Variants in SHANK2 observed in about 807,000 individuals in gnomAD.
SHANK2 encodes SH3 and multiple ankyrin repeat domains 2.
A neutral mutation model predicts 133.7 loss-of-function variants in SHANK2; 43 were observed. That is an observed-to-expected ratio of 0.32 (90% confidence interval 0.25 to 0.41). SHANK2 has a LOEUF of 0.41. Among genes scored for constraint, SHANK2 ranks in the 10% least tolerant of loss-of-function variants. The pLI is 1.00. For synonymous variants in SHANK2, 1,017 were observed against 952.8 expected (o/e 1.07, Z -1.24); for missense variants, 1,994 against 2,235.8 (o/e 0.89, Z 2.18).
intron 14 of SHANK2, among the ~76,000 whole-genome samples, chr11:70,776,211 T>A (rs1413874912): frequency 6.6e-6 from 1 of 152,214 alleles, no homozygotes; most frequent in Non-Finnish European, 1.5e-5. Context: ...ATCAGACTTC[T>A]GGAACACCCA....
In SHANK2 at chr11:70,898,104, A is replaced by G. The variant is rs189759103; in HGVS notation, c.1108-1537T>C. ...CAGCCTCCTGAGTATCTGGAATTAC[A>G]GGCATGTGCCACCATGTCTGGCTAA... On this transcript the variant is annotated intron_variant, in intron 10 of 25. Transcript: ENST00000601538. Among the ~76,000 whole-genome samples the G allele has an allele frequency of 1.2e-3, 181 of 151,906 alleles. 1 individual carries two copies. The highest frequency in any genetic ancestry group is 4.2e-3 in the African/African-American group (172 of 41,428).
chr11:71,171,131 T>C (rs576148731), intron 2 of SHANK2, among the ~76,000 whole-genome samples: 2 of 152,334 alleles, frequency 1.3e-5, no homozygotes, highest in South Asian at 4.1e-4. Flanking sequence ...TTTTCTCTTC[T>C]TCTAGGTGCA....
At chr11:71,139,048 T>C (rs1565473681) in intron 3 of SHANK2, among the ~76,000 whole-genome samples, 1 of 152,094 alleles carries the variant, frequency 6.6e-6, no homozygotes, top group Admixed American at 6.6e-5. Context: ...AGGTTGGCAG[T>C]GCAAATGCTT....
intron 2 of SHANK2, among the ~76,000 whole-genome samples, chr11:71,154,412 C>G (rs74596383): frequency 0.064 from 9,770 of 152,268 alleles, 674 homozygotes; most frequent in African/African-American, 0.17. Context: ...GCCAGCCAGT[C>G]CAGAGTTGGC....
chr11:70,555,422 G>A (rs1156874731), intron 17 of SHANK2, among the ~76,000 whole-genome samples: 1 of 152,232 alleles, frequency 6.6e-6, no homozygotes, highest in Non-Finnish European at 1.5e-5. Context: ...AGTTGTGAAT[G>A]TAAAGGAAAA....
At chr11:70,649,460 C>A (rs2061313951) in intron 17 of SHANK2, among the ~76,000 whole-genome samples, 1 of 152,200 alleles carries the variant, frequency 6.6e-6, no homozygotes, top group Non-Finnish European at 1.5e-5. Context: ...CCAGGGCTGA[C>A]AAACTCCATC....
At chr11:70,489,946 G>T (rs1190062746) in intron 23 of SHANK2, 5 of 376,746 alleles carry the variant, frequency 1.3e-5, no homozygotes, top group Admixed American at 3.7e-5. Flanking sequence ...AGGGCAGGGT[G>T]GGGGAGGGGG....
chr11:70,684,689 C>A (rs1591746946), intron 15 of SHANK2, among the ~76,000 whole-genome samples: 1 of 151,622 alleles, frequency 6.6e-6, no homozygotes, highest in Non-Finnish European at 1.5e-5. Context: ...GCAGGTAAAC[C>A]CTTGGCCCCT....
At chr11:70,741,241 A>G (rs1209938033) in intron 14 of SHANK2, among the ~76,000 whole-genome samples, 1 of 143,700 alleles carries the variant, frequency 7.0e-6, no homozygotes, top group Non-Finnish European at 1.6e-5. Context: ...GCATCCATCC[A>G]TCCATCCATC....
At chr11:70,878,479 A>C (rs1274253965) in intron 11 of SHANK2, among the ~76,000 whole-genome samples, 3 of 152,188 alleles carry the variant, frequency 2.0e-5, no homozygotes, top group Non-Finnish European at 4.4e-5. Flanking sequence ...TGATGCTCAG[A>C]AATCATGGAA....
At chr11:70,749,327 A>C (rs1946709535) in intron 14 of SHANK2, among the ~76,000 whole-genome samples, 1 of 152,248 alleles carries the variant, frequency 6.6e-6, no homozygotes, top group Non-Finnish European at 1.5e-5. Context: ...GGACAGGCAC[A>C]AAGGAGTGGA....
chr11:70,475,343 G>C (rs561677973), intron 25 of SHANK2, among the ~76,000 whole-genome samples: 1 of 152,322 alleles, frequency 6.6e-6, no homozygotes, highest in Admixed American at 6.5e-5. Flanking sequence ...AGGCCATTTG[G>C]TTGGGCCTTG....
At position 70,496,455 on chromosome 11, in the gene SHANK2, C is replaced by A. The variant is rs537287774; in HGVS notation, c.2309-3990G>T. Among the ~76,000 whole-genome samples, 5 of 152,312 alleles carry A rather than the reference C, an allele frequency of 3.3e-5. No homozygotes were observed. In the East Asian group the frequency reaches 7.7e-4, roughly 24 times the overall value. ...CAGGCTGCAGGCTGCGATTTTAGGACCTCAGGGCCTGCGGCAGGCATCTTG... is the reference window on the plus strand; with the variant it reads ...CAGGCTGCAGGCTGCGATTTTAGGAACTCAGGGCCTGCGGCAGGCATCTTG... On this transcript the variant is annotated intron_variant, in intron 21 of 25. Coordinates refer to ENST00000601538, the MANE Select transcript of SHANK2 (RefSeq NM_012309.5).
chr11:71,204,951 G>T (rs902859125), intron 2 of SHANK2, among the ~76,000 whole-genome samples: 1 of 152,108 alleles, frequency 6.6e-6, no homozygotes, highest in Non-Finnish European at 1.5e-5. Flanking sequence ...GGGACAGCTA[G>T]CTCGGGTGAT....
chr11:70,497,076 G>A, intron 21 of SHANK2: 1 of 452,832 alleles, frequency 2.2e-6, no homozygotes. Context: ...GTAGGGTCAG[G>A]GGCTAGCATT....
intron 17 of SHANK2, among the ~76,000 whole-genome samples, chr11:70,653,700 A>C (rs536035696): frequency 6.6e-6 from 1 of 152,348 alleles, no homozygotes; most frequent in East Asian, 1.9e-4. Flanking sequence ...ACCTGAGATG[A>C]ACTGGGCTCT....
intron 6 of SHANK2, among the ~76,000 whole-genome samples, chr11:71,109,470 C>A (rs971210133): frequency 6.6e-6 from 1 of 152,240 alleles, no homozygotes; most frequent in African/African-American, 2.4e-5. Flanking sequence ...CCATCTTTCC[C>A]GACCGATGCC....
rs184761430 is a variant in SHANK2, at chr11:71,173,956, A to G, written c.-12-26618T>C. On this transcript the variant is annotated intron_variant, in intron 2 of 25. Transcript: ENST00000601538. ...ACGGCCCTGCCGATGCCTTGATTTC[A>G]GACTTCTGACCTCCAGAACTGTGGG... 9.2e-4 allele frequency among the ~76,000 whole-genome samples: 140 copies of G among 152,354 alleles called. 1 individual carries two copies. Among genetic ancestry groups the G allele is most frequent in the Admixed American group, 7.4e-3 (114 of 15,304 alleles).
At chr11:70,759,097 G>T (rs781923584) in intron 14 of SHANK2, among the ~76,000 whole-genome samples, 5 of 152,078 alleles carry the variant, frequency 3.3e-5, no homozygotes, top group Non-Finnish European at 5.9e-5. Context: ...GGCAGAGGTT[G>T]CAGTGAGCAG....
Sources: allele counts gnomAD v4.1 joint callset (sites outside exome capture counted in the v4.1 genomes callset), GRCh38; gene constraint gnomAD v4.1.1; transcripts MANE v1.5; gene names NCBI Gene and HGNC (gene_info 2026-07-23, HGNC 2026-07-21).